NFIB: variants seen among roughly 807,000 people sequenced by gnomAD.
NFIB encodes the protein nuclear factor 1 B-type.
A neutral mutation model predicts 61.5 loss-of-function variants in NFIB; 11 were observed. The ratio of observed to expected loss-of-function variants is 0.18; its 90% CI spans 0.11 to 0.30. The LOEUF (loss-of-function observed/expected upper bound fraction) is 0.30. Ranked by LOEUF, NFIB falls within the 10% of genes least tolerant of loss-of-function variation. The pLI is 1.00. For synonymous variants in NFIB, 260 were observed against 216.5 expected (o/e 1.20, Z -1.76); for missense variants, 471 against 608.9 (o/e 0.77, Z 2.38).
In NFIB at chr9:14,088,222, A is replaced by C; in HGVS notation, c.*87T>G. On this transcript the variant is annotated 3_prime_UTR_variant, in exon 11 of 11. Coordinates refer to ENST00000380953, the MANE Select transcript of NFIB (RefSeq NM_001190737.2). Reference sequence around the variant, plus strand: ...TCAGTTGCTTGTTTCTGCTTGAAGGAAAGGTTCTCCAATTATGTTCAAACC... The same window carrying C: ...TCAGTTGCTTGTTTCTGCTTGAAGGCAAGGTTCTCCAATTATGTTCAAACC... The C allele has an allele frequency of 6.4e-7, 1 of 1,555,496 alleles. No individual in the cohort carries two copies. Among genetic ancestry groups the C allele is most frequent in the East Asian group, 2.4e-5 (1 of 42,310 alleles).
At chr9:14,418,871 T>C in the NFIB span, among the ~76,000 whole-genome samples, 3 of 152,294 alleles carry the variant, frequency 2.0e-5, no homozygotes, top group East Asian at 5.8e-4. Context: ...GAGTGTACAT[T>C]TGACTTCATC....
chr9:14,132,464 C>T (rs1007164595), intron 6 of NFIB, among the ~76,000 whole-genome samples: 4 of 152,036 alleles, frequency 2.6e-5, no homozygotes, highest in Non-Finnish European at 4.4e-5. Flanking sequence ...GTTAAAATAT[C>T]TACATATTTT....
chr9:14,428,045 A>G, the NFIB span, among the ~76,000 whole-genome samples: 1 of 138,144 alleles, frequency 7.2e-6, no homozygotes, highest in Non-Finnish European at 1.5e-5. Flanking sequence ...CCCCAGGCTC[A>G]GGTGATCCTC....
At chr9:14,487,510 G>A in the NFIB span, among the ~76,000 whole-genome samples, 2 of 152,144 alleles carry the variant, frequency 1.3e-5, no homozygotes, top group Non-Finnish European at 2.9e-5. Flanking sequence ...GACTTAAATG[G>A]CCATAGTGTG....
intron 2 of NFIB, among the ~76,000 whole-genome samples, chr9:14,303,244 A>G (rs1174916619): frequency 6.6e-6 from 1 of 152,220 alleles, no homozygotes; most frequent in African/African-American, 2.4e-5. Flanking sequence ...ACTGAGAGCA[A>G]CAGTCAGTCA....
chr9:14,437,406 TG>T, the NFIB span, among the ~76,000 whole-genome samples: 3 of 152,214 alleles, frequency 2.0e-5, no homozygotes, highest in Admixed American at 2.0e-4. Flanking sequence ...ATCAGTCTGT[TG>T]TATGAGTGAT....
chr9:14,222,730 A>G (rs1383817592), intron 2 of NFIB, among the ~76,000 whole-genome samples: 1 of 145,396 alleles, frequency 6.9e-6, no homozygotes, highest in African/African-American at 2.6e-5. Flanking sequence ...TGGGAACTCA[A>G]GGCTACAGTG....
chr9:14,194,012 A>C (rs145461910), intron 2 of NFIB, among the ~76,000 whole-genome samples: 453 of 152,080 alleles, frequency 3.0e-3, no homozygotes, highest in Non-Finnish European at 4.2e-3. Flanking sequence ...TTAAAACATT[A>C]TTTTCCTAGT....
intron 2 of NFIB, among the ~76,000 whole-genome samples, chr9:14,255,646 C>T (rs1300105259): frequency 6.6e-6 from 1 of 152,122 alleles, no homozygotes; most frequent in Non-Finnish European, 1.5e-5. Flanking sequence ...CTCCTAACAT[C>T]CTTAAAAAAA....
chr9:14,098,488 G>A (rs1405752905), intron 10 of NFIB, among the ~76,000 whole-genome samples: 1 of 152,148 alleles, frequency 6.6e-6, no homozygotes, highest in South Asian at 2.1e-4. Flanking sequence ...ATATCTGACA[G>A]TACAGGCTAT....
At chr9:14,199,144 C>A (rs1468255149) in intron 2 of NFIB, among the ~76,000 whole-genome samples, 1 of 152,188 alleles carries the variant, frequency 6.6e-6, no homozygotes, top group Non-Finnish European at 1.5e-5. Context: ...AAGTCGAACA[C>A]AGAAGGATTA....
intron 1 of NFIB, among the ~76,000 whole-genome samples, chr9:14,323,053 A>T (rs1179204656): frequency 6.6e-6 from 1 of 152,244 alleles, no homozygotes; most frequent in African/African-American, 2.4e-5. Context: ...ACTTCCCGCC[A>T]CGTTGCTGGC....
chr9:14,275,847 T>C (rs919949152), intron 2 of NFIB, among the ~76,000 whole-genome samples: 1 of 151,992 alleles, frequency 6.6e-6, no homozygotes, highest in African/African-American at 2.4e-5. Flanking sequence ...GTGAATTCAG[T>C]AACCATAATC....
intron 2 of NFIB, among the ~76,000 whole-genome samples, chr9:14,276,608 G>A (rs1159926114): frequency 3.3e-5 from 5 of 152,052 alleles, no homozygotes; most frequent in African/African-American, 1.2e-4. Context: ...GTAACTTATT[G>A]TAAAATTCTG....
chr9:14,524,182 G>A, the NFIB span, among the ~76,000 whole-genome samples: 2 of 152,198 alleles, frequency 1.3e-5, no homozygotes, highest in Admixed American at 1.3e-4. Flanking sequence ...TCCTCTTGGG[G>A]CTTATAATTT....
the NFIB span, among the ~76,000 whole-genome samples, chr9:14,419,750 G>C: frequency 9.2e-5 from 14 of 152,194 alleles, no homozygotes; most frequent in African/African-American, 3.1e-4. Context: ...ACAGTCCTCA[G>C]TGGCATCTGC....
intron 6 of NFIB, among the ~76,000 whole-genome samples, chr9:14,130,884 G>A (rs1244948149): frequency 6.6e-6 from 1 of 152,126 alleles, no homozygotes; most frequent in Admixed American, 6.5e-5. Context: ...GTAGCTGACT[G>A]TAAAGCAAAG....
the NFIB span, among the ~76,000 whole-genome samples, chr9:14,470,661 G>C: frequency 6.6e-6 from 1 of 152,130 alleles, no homozygotes; most frequent in African/African-American, 2.4e-5. Flanking sequence ...GGCAGGCAAT[G>C]ATTAGCATCT....
At chr9:14,524,105 A>G in the NFIB span, among the ~76,000 whole-genome samples, 131 of 152,262 alleles carry the variant, frequency 8.6e-4, no homozygotes, top group South Asian at 0.013. Context: ...CAATTTAGCA[A>G]TTATTCATTA....
Sources: gnomAD v4.1 joint callset for allele counts (sites outside exome capture counted in the v4.1 genomes callset) on GRCh38, gnomAD v4.1.1 for gene constraint, MANE v1.5 for transcripts, NCBI Gene and HGNC (gene_info 2026-07-23, HGNC 2026-07-21) for gene names.